The following CRB1 variants were observed in gnomAD, a reference collection of about 807,000 sequenced individuals.
CRB1 encodes the protein protein crumbs homolog 1.
Under a neutral mutation model 120.0 loss-of-function variants are expected in CRB1, and 83 were observed. That is an observed-to-expected ratio of 0.69 (90% confidence interval 0.58 to 0.83). CRB1 has a LOEUF of 0.83. CRB1 is among the 40% of genes least tolerant of loss of function. CRB1 has a pLI of 0.00. For missense variants in CRB1, 1,699 were observed against 1,687.6 expected (o/e 1.01, Z -0.12); for synonymous variants, 625 against 612.5 (o/e 1.02, Z -0.30).
At position 197,421,654 on chromosome 1, in the gene CRB1, A is replaced by C. The variant is rs1664330276; in HGVS notation, c.1826A>C (p.Gln609Pro). 1 of 1,614,114 alleles carries C rather than the reference A, an allele frequency of 6.2e-7. No individual in the cohort carries two copies. Among genetic ancestry groups the C allele is most frequent in the South Asian group, 1.1e-5 (1 of 91,086 alleles). ...LESDQSICAF[Q>P]NSFLGGLPVG... ...AGTGATCAATCAATATGTGCTTTTC[A>C]GAACTCCTTTTTGGGTGGTTTACCA... Residue 609 changes from glutamine to proline, a missense_variant, in exon 6 of 12, where the codon CAG (glutamine) becomes CCG (proline). Transcript: ENST00000367400.
chr1:197,373,632 T>C (rs1304589043), intron 5 of CRB1, among the ~76,000 whole-genome samples: 1 of 152,186 alleles, frequency 6.6e-6, no homozygotes, highest in Non-Finnish European at 1.5e-5. Context: ...AATAAACTGT[T>C]TTAATAAAAT....
chr1:197,356,471 T>G (rs1439185335), intron 4 of CRB1, among the ~76,000 whole-genome samples: 2 of 152,240 alleles, frequency 1.3e-5, no homozygotes, highest in Non-Finnish European at 2.9e-5. Flanking sequence ...ATTTGCTGAC[T>G]TTTCAGCTAT....
chr1:197,256,870 G>T, the CRB1 span, among the ~76,000 whole-genome samples: 1 of 142,906 alleles, frequency 7.0e-6, no homozygotes, highest in Admixed American at 7.1e-5. Context: ...AAGTCTTTAG[G>T]GAAAAAGATA....
chr1:197,239,887 T>C, the CRB1 span, among the ~76,000 whole-genome samples: 2 of 148,650 alleles, frequency 1.3e-5, no homozygotes, highest in African/African-American at 2.4e-5. Context: ...TATATAAAAA[T>C]AAATAATTAT....
intron 11 of CRB1, among the ~76,000 whole-genome samples, chr1:197,460,001 C>CTTTTTTTTTTTTTTTTTTTTTTTTTTTT (rs10679172): frequency 2.6e-5 from 2 of 75,612 alleles, no homozygotes; most frequent in African/African-American, 8.9e-5. Context: ...AAGCCCCCCT[C>CTTTTTTTTTTTTTTTTTTTTTTTTTTTT]TTTTTTTTTT....
chr1:197,441,239 GC>G (rs1350495105), intron 10 of CRB1: 1 of 152,194 alleles, frequency 6.6e-6, no homozygotes, highest in Non-Finnish European at 1.5e-5. Flanking sequence ...AAGTAAAATA[GC>G]CGCCTTAGTT....
intron 5 of CRB1, among the ~76,000 whole-genome samples, chr1:197,405,314 G>A (rs1182336463): frequency 6.6e-6 from 1 of 152,174 alleles, no homozygotes; most frequent in Non-Finnish European, 1.5e-5. Context: ...CTAACCGCGA[G>A]TGATCCGCCA....
intron 1 of CRB1, among the ~76,000 whole-genome samples, chr1:197,306,500 G>T (rs1657182719): frequency 6.6e-6 from 1 of 152,074 alleles, no homozygotes; most frequent in African/African-American, 2.4e-5. Context: ...AAAACTGAAA[G>T]TACTACGCTG....
At chr1:197,328,263 G>A (rs1658632617) in intron 1 of CRB1, among the ~76,000 whole-genome samples, 159 bp from the exon 2 acceptor site, 1 of 152,150 alleles carries the variant, frequency 6.6e-6, no homozygotes, top group South Asian at 2.1e-4. Context: ...CAATGTGCTA[G>A]GTATAGTAAT....
intron 5 of CRB1, among the ~76,000 whole-genome samples, chr1:197,374,466 C>T (rs1661540148): frequency 6.6e-6 from 1 of 152,084 alleles, no homozygotes; most frequent in Non-Finnish European, 1.5e-5. Context: ...TGCCATTGTG[C>T]TCTGCCCTGT....
the CRB1 span, among the ~76,000 whole-genome samples, chr1:197,239,744 CTATTT>C: frequency 1.5e-3 from 229 of 150,600 alleles, no homozygotes; most frequent in Non-Finnish European, 2.3e-3. Flanking sequence ...TTTGTTTTCT[CTATTT>C]TAATTTCCCT....
At chr1:197,356,786 T>A (rs1320401117) in intron 4 of CRB1, 45 bp from the exon 5 acceptor site, 2 of 1,603,402 alleles carry the variant, frequency 1.2e-6, no homozygotes, top group South Asian at 1.1e-5. Flanking sequence ...GCTCTATAAT[T>A]CAACACCTTT....
At chr1:197,305,050 A>G (rs1203685630) in intron 1 of CRB1, among the ~76,000 whole-genome samples, 2 of 152,122 alleles carry the variant, frequency 1.3e-5, no homozygotes, top group Non-Finnish European at 2.9e-5. Context: ...TGCCTTTTGC[A>G]TCTTATTCTC....
At chr1:197,423,493 A>G (rs1357719697) in intron 6 of CRB1, among the ~76,000 whole-genome samples, 3 of 152,142 alleles carry the variant, frequency 2.0e-5, no homozygotes, top group African/African-American at 7.2e-5. Flanking sequence ...TCTTGGTATA[A>G]ATTTAAGGAA....
intron 4 of CRB1, among the ~76,000 whole-genome samples, chr1:197,355,791 C>T (rs1406896090): frequency 6.6e-6 from 1 of 152,192 alleles, no homozygotes; most frequent in African/African-American, 2.4e-5. Flanking sequence ...CACCTCCCCG[C>T]AGGCTGAGGG....
intron 2 of CRB1, among the ~76,000 whole-genome samples, chr1:197,336,145 T>C (rs1332143834): frequency 6.6e-6 from 1 of 152,208 alleles, no homozygotes; most frequent in Non-Finnish European, 1.5e-5. Flanking sequence ...TGATAATTCC[T>C]GTTCCTCTTG....
At chr1:197,398,555 C>A (rs990326698) in intron 5 of CRB1, among the ~76,000 whole-genome samples, 1 of 151,994 alleles carries the variant, frequency 6.6e-6, no homozygotes, top group African/African-American at 2.4e-5. Flanking sequence ...TAGGGCTTGG[C>A]AATACATTGA....
chr1:197,372,671 T>A (rs1352269403), intron 5 of CRB1, among the ~76,000 whole-genome samples: 3 of 151,522 alleles, frequency 2.0e-5, no homozygotes, highest in African/African-American at 4.8e-5. Flanking sequence ...AGGCAGGAGG[T>A]TTGAGACCAG....
At chr1:197,226,554 ATAT>A in the CRB1 span, among the ~76,000 whole-genome samples, 1 of 152,016 alleles carries the variant, frequency 6.6e-6, no homozygotes, top group Non-Finnish European at 1.5e-5. Context: ...CAGTGGGATA[ATAT>A]TAGGAGGAGG....
Sources: gnomAD v4.1 joint callset for allele counts (sites outside exome capture counted in the v4.1 genomes callset) on GRCh38, gnomAD v4.1.1 for gene constraint, MANE v1.5 for transcripts, NCBI Gene and HGNC (gene_info 2026-07-23, HGNC 2026-07-21) for gene names.